Variants in SZT2 observed in about 807,000 individuals in gnomAD.
The protein encoded by SZT2 is SZT2 subunit of KICSTOR complex, also known as KICSTOR complex protein SZT2.
In SZT2, 216 loss-of-function variants were observed where a neutral mutation model predicts 404.2. That is an observed-to-expected ratio of 0.53 (90% CI 0.48 to 0.60). The LOEUF (loss-of-function observed/expected upper bound fraction) is 0.60. Ranked by LOEUF, SZT2 falls within the 20% of genes least tolerant of loss-of-function variation. The pLI, the probability that SZT2 is intolerant of heterozygous loss-of-function variation, is 0.00. For missense variants in SZT2, 3,857 were observed against 4,459.2 expected (o/e 0.86, Z 3.85); for synonymous variants, 1,693 against 1,749.9 (o/e 0.97, Z 0.81).
At position 43,416,016 on chromosome 1, in the gene SZT2, C is replaced by A. The variant is rs767712843; in HGVS notation, c.687C>A (p.Ser229=). 6.3e-7 allele frequency: 1 copy of A among 1,598,370 alleles called. No homozygotes were observed. The highest frequency in any genetic ancestry group is 1.7e-4 in the Middle Eastern group (1 of 6,058). ...TACTGGGCCGGAAGGTAGGCGTCTC[C>A]ATGGTGACAGCTGATCTTGGGCTGG... ...GDLLGRKVGV[S]MVTADLGLVS... is the part of the protein sequence containing the mutation. Residue 229 remains serine (S), a synonymous_variant, in exon 6 of 72, where the codon TCC becomes TCA. Transcript: ENST00000634258.
intron 33 of SZT2, 39 bp from the exon 34 acceptor site, chr1:43,431,226 A>C (rs1653829711): frequency 6.4e-7 from 1 of 1,568,840 alleles, no homozygotes; most frequent in Admixed American, 1.8e-5. Flanking sequence ...CTGGTAGGAT[A>C]GTAACTCCTG....
chr1:43,415,243 A>T lies in SZT2; in HGVS notation c.630+30A>T, dbSNP rs1285442306. 3.1e-6 allele frequency: 5 copies of T among 1,595,512 alleles called. No homozygotes were observed. The South Asian group carries it at 5.5e-5, about 18-fold the overall frequency. On this transcript the variant is annotated intron_variant, in intron 5 of 71. Coordinates refer to ENST00000634258, the MANE Select transcript of SZT2 (RefSeq NM_001365999.1). Reference sequence around the variant, plus strand: ...GTAAGAGAGAAAGTGGGCAGAGGCAACTTAGAAAGAGGAGCAGCTAAGGAC... The same window carrying T: ...GTAAGAGAGAAAGTGGGCAGAGGCATCTTAGAAAGAGGAGCAGCTAAGGAC...
chr1:43,437,775 A>C lies in SZT2; in HGVS notation c.6397-16A>C. On this transcript the variant is annotated splice_polypyrimidine_tract_variant and intron_variant, in intron 45 of 71. Coordinates refer to ENST00000634258, the MANE Select transcript of SZT2 (RefSeq NM_001365999.1). The surrounding 1 kb of genome is among the most constrained non-coding windows in gnomAD (Gnocchi z 5.3). ...GCTCTCTGGAACCGGGGCCCTGACC[A>C]CAGTTTTCCCTGTAGGGTCCTCGTT... 6.2e-7 allele frequency: 1 copy of C among 1,613,938 alleles called. No individual in the cohort carries two copies. Among genetic ancestry groups the C allele is most frequent in the South Asian group, 1.1e-5 (1 of 91,056 alleles).
chr1:43,430,767 G>T lies in SZT2; in HGVS notation c.4752G>T (p.Val1584=). 6.2e-7 allele frequency: 1 copy of T among 1,610,278 alleles called. No homozygotes were observed. The highest frequency in any genetic ancestry group is 8.5e-7 in the Non-Finnish European group (1 of 1,178,502). ...GTGGGCAGCACAGCTCAGTACCTGT[G>T]TGCAGCCTGCCTACCTGCCTGGGTG... is the stretch of plus-strand genomic sequence containing the variant. The part of the protein sequence containing the change: ...RLRGQHSSVP[V]CSLPTCLGQV... The change falls in exon 32 of 72, where the codon GTG becomes GTT. Residue 1584 remains valine, a synonymous_variant. Coordinates refer to ENST00000634258, the MANE Select transcript of SZT2 (RefSeq NM_001365999.1).
At position 43,443,467 on chromosome 1, in the gene SZT2, C is replaced by G. The variant is rs771140382; in HGVS notation, c.8615C>G (p.Pro2872Arg). Reference sequence around the variant, plus strand: ...GGGCCCCCAGAGACCTCTGGACCCCCTGACGGGCAGGTAAGGCTGACTCCC... The same window carrying G: ...GGGCCCCCAGAGACCTCTGGACCCCGTGACGGGCAGGTAAGGCTGACTCCC... ...LHGPPETSGP[P>R]DGQRRHRPES... Residue 2872 changes from proline to arginine, a missense_variant, in exon 61 of 72, where the codon CCT (proline) becomes CGT (arginine). Physicochemically the swap from Pro to Arg is moderately radical, Grantham distance 103 (BLOSUM62 -2). Coordinates refer to ENST00000634258, the MANE Select transcript of SZT2 (RefSeq NM_001365999.1). 5.0e-6 allele frequency: 8 copies of G among 1,614,074 alleles called. No homozygotes were observed. In the African/African-American group the frequency reaches 5.3e-5, roughly 11 times the overall value.
Position 43,425,911 on chromosome 1 carries a change from A to G in SZT2, c.2891A>G (p.Glu964Gly), listed in dbSNP as rs753823554. 1.2e-6 allele frequency: 2 copies of G among 1,614,096 alleles called. No individual in the cohort carries two copies. The highest frequency in any genetic ancestry group is 1.7e-6 in the Non-Finnish European group (2 of 1,179,996). Residue 964 changes from glutamate to glycine, a missense_variant, in exon 20 of 72, where the codon GAA becomes GGA. Physicochemically the swap from Glu to Gly is moderately conservative, Grantham distance 98. Coordinates refer to ENST00000634258, the MANE Select transcript of SZT2 (RefSeq NM_001365999.1). The surrounding 1 kb of genome is among the most constrained non-coding windows in gnomAD (Gnocchi z 4.3). ...CTGATACAGCTGTGTCAGAGCAAGG[A>G]ATGGGGTCCTCTGCCCCCAGAGCCG... ...EYLIQLCQSK[E>G]WGPLPPEPRV...
At position 43,427,711 on chromosome 1, in the gene SZT2, G is replaced by T; in HGVS notation, c.3780G>T (p.Gln1260His). The T allele has an allele frequency of 3.1e-6, 5 of 1,613,722 alleles. No individual in the cohort carries two copies. The highest frequency in any genetic ancestry group is 1.1e-5 in the South Asian group (1 of 91,056). Reference protein sequence around the residue: ...REQMVGMQPPQAPRDLIFRTQ... With the variant: ...REQMVGMQPPHAPRDLIFRTQ... ...AAATGGTTGGCATGCAGCCCCCTCA[G>T]GCGCCCCGAGACCTCATCTTCCGGT... The change falls in exon 26 of 72, where the codon CAG (glutamine) becomes CAT (histidine). Residue 1260 changes from glutamine to histidine, a missense_variant. Gln to His is a conservative substitution (Grantham distance 24, BLOSUM62 0). This residue lies in a region of SZT2 where 1,725 missense variants were observed against 1,881.0 expected (regional missense o/e 0.92). Coordinates refer to ENST00000634258, the MANE Select transcript of SZT2 (RefSeq NM_001365999.1).
At chr1:43,399,434 G>A (rs1649397771) in intron 1 of SZT2, among the ~76,000 whole-genome samples, 1 of 151,104 alleles carries the variant, frequency 6.6e-6, no homozygotes, top group African/African-American at 2.4e-5. Context: ...CGGTGGGAGG[G>A]TGCTTTCTAA....
intron 66 of SZT2, 73 bp from the exon 67 acceptor site, chr1:43,447,471 AT>A: frequency 6.4e-7 from 1 of 1,557,810 alleles, no homozygotes; most frequent in Admixed American, 1.8e-5. Flanking sequence ...AAAGACTCCC[AT>A]CCCTGTGCCC....
At position 43,448,440 on chromosome 1, in the gene SZT2, G is replaced by A; in HGVS notation, c.9925G>A (p.Glu3309Lys). The change falls in exon 69 of 72, where the codon GAA becomes AAA. Residue 3309 changes from glutamate to lysine, a missense_variant. Glu to Lys is a moderately conservative substitution (Grantham distance 56). Transcript: ENST00000634258. The surrounding 1 kb of genome is among the most constrained non-coding windows in gnomAD (Gnocchi z 4.2). ...LALAELEELL[E>K]AVHAKSIGDI... The stretch of plus-strand genomic sequence containing the variant: ...CCTGGCAGAGCTGGAGGAACTCCTA[G>A]AAGCAGTCCATGCCAAATCCATTGG... The A allele has an allele frequency of 6.2e-7, 1 of 1,607,414 alleles. No individual in the cohort carries two copies. Among genetic ancestry groups the A allele is most frequent in the Non-Finnish European group, 8.5e-7 (1 of 1,177,310 alleles).
rs1303883575 is a variant in SZT2 at position 43,448,118 on chromosome 1, C to G, written c.9603C>G (p.Leu3201=). 1.2e-6 allele frequency: 2 copies of G among 1,601,298 alleles called. No homozygotes were observed. The highest frequency in any genetic ancestry group is 2.2e-5 in the South Asian group (2 of 89,768). Residue 3201 remains leucine (L), a synonymous_variant, in exon 69 of 72, where the codon CTC becomes CTG. Transcript: ENST00000634258. This position sits in a 1 kb window ranked among gnomAD's most constrained non-coding sequence, Gnocchi z 4.2. Reference sequence around the variant, plus strand: ...TGGTGCTCACCAGCCAGCGAGAGCTCTTCCCCAGGCTCACTGCTGACATGC... The same window carrying G: ...TGGTGCTCACCAGCCAGCGAGAGCTGTTCCCCAGGCTCACTGCTGACATGC... The part of the protein sequence containing the change: ...FFVVLTSQRE[L]FPRLTADMRR...
chr1:43,452,015 T>TA lies in SZT2; in HGVS notation c.*1536dup. 2 of 1,604,894 alleles carry TA rather than the reference T, an allele frequency of 1.2e-6. No homozygotes were observed. The highest frequency in any genetic ancestry group is 1.7e-6 in the Non-Finnish European group (2 of 1,174,352). On this transcript the variant is annotated 3_prime_UTR_variant, in exon 72 of 72. Transcript: ENST00000634258. ...CTCCAGCAGTCCCACGAGGTCCTCC[T>TA]AGCAGCATGTCGGGTGCTGTGAATA...
Position 43,425,105 on chromosome 1 carries a change from G to A in SZT2, c.2551-8G>A. The A allele has an allele frequency of 6.2e-7, 1 of 1,614,110 alleles. No homozygotes were observed. Among genetic ancestry groups the A allele is most frequent in the East Asian group, 2.2e-5 (1 of 44,876 alleles). ...GGATTTGCCCAAGATCTCCCATTTT[G>A]CCCACAGAATGAACCACCAGGGCAG... On this transcript the variant is annotated splice_region_variant and splice_polypyrimidine_tract_variant and intron_variant, in intron 17 of 71. Transcript: ENST00000634258. This position sits in a 1 kb window ranked among gnomAD's most constrained non-coding sequence, Gnocchi z 4.3.
chr1:43,453,593 A>G lies in SZT2; in HGVS notation c.*3113A>G. 1 of 1,504,230 alleles carries G rather than the reference A, an allele frequency of 6.6e-7. No homozygotes were observed. Among genetic ancestry groups the G allele is most frequent in the Non-Finnish European group, 8.9e-7 (1 of 1,120,260 alleles). The allele number at this position is 1,504,230 out of a possible 1,614,324, so 93.2% of individuals were successfully genotyped here. A position where few individuals can be genotyped will look rare whatever the true frequency, so the allele number is the denominator to read the frequency against. ...TCCCAGCCCTCCCGGCCCGCGACGC[A>G]CCCGGGGGCGTGTTGATCAGTACAA... On this transcript the variant is annotated 3_prime_UTR_variant, in exon 72 of 72. Transcript: ENST00000634258.
intron 15 of SZT2, 111 bp downstream of exon 15, chr1:43,423,427 C>T: frequency 9.3e-7 from 1 of 1,070,046 alleles, no homozygotes; most frequent in East Asian, 2.7e-5. Context: ...GAGTGCGTGG[C>T]TTAGTGGGGT....
intron 4 of SZT2, chr1:43,411,854 T>A (rs1353226612): frequency 6.9e-6 from 1 of 145,170 alleles, no homozygotes; most frequent in South Asian, 2.3e-4. Context: ...TCTTGGTTCA[T>A]TGCAACCTCC....
Position 43,453,789 on chromosome 1 carries a change from GC to G in SZT2, c.*3311del. ...CAGATTGGCGGAGAAGCGCAGCGGC[GC>G]CATGCCTGGGGAGGCCGGGCCGGGC... On this transcript the variant is annotated 3_prime_UTR_variant, in exon 72 of 72. Transcript: ENST00000634258. 1.6e-6 allele frequency: 2 copies of G among 1,280,320 alleles called. No homozygotes were observed. The highest frequency in any genetic ancestry group is 2.0e-6 in the Non-Finnish European group (2 of 1,016,654). 79.3% of individuals were successfully genotyped at this position (1,280,320 alleles called of 1,614,324 possible).
rs1232342456 is a variant in SZT2 at position 43,430,125 on chromosome 1, C to T, written c.4401+22C>T. On this transcript the variant is annotated intron_variant, in intron 30 of 71. Coordinates refer to ENST00000634258, the MANE Select transcript of SZT2 (RefSeq NM_001365999.1). ...AGAAGTGAGTGGCTCTCTTCCTTACCTCTCTCGTGCCCTCAACCCAGAGGC... is the reference window on the plus strand; with the variant it reads ...AGAAGTGAGTGGCTCTCTTCCTTACTTCTCTCGTGCCCTCAACCCAGAGGC... 7 of 1,613,528 alleles carry T rather than the reference C, an allele frequency of 4.3e-6. No homozygotes were observed. The Admixed American group carries it at 5.0e-5, about 12-fold the overall frequency.
At chr1:43,431,648 G>C in intron 35 of SZT2, 68 bp from the exon 36 acceptor site, 3 of 1,603,036 alleles carry the variant, frequency 1.9e-6, no homozygotes, top group Non-Finnish European at 1.7e-6. Flanking sequence ...TTATCTTCTA[G>C]TCCGGGAGTA....
Sources: allele counts gnomAD v4.1 joint callset (sites outside exome capture counted in the v4.1 genomes callset), GRCh38; gene constraint gnomAD v4.1.1; regional missense constraint gnomAD v4.1.1; non-coding constraint Gnocchi (gnomAD v3.1); transcripts MANE v1.5; gene names NCBI Gene and HGNC (gene_info 2026-07-23, HGNC 2026-07-21).